The following MAST4 variants were observed in gnomAD, a reference collection of about 807,000 sequenced individuals.
MAST4 encodes microtubule-associated serine/threonine-protein kinase 4.
Under a neutral mutation model 162.7 loss-of-function variants are expected in MAST4, and 89 were observed. That is an observed-to-expected ratio of 0.55 (90% CI 0.46 to 0.65). The LOEUF (loss-of-function observed/expected upper bound fraction) is 0.65. MAST4 is among the 30% of genes least tolerant of loss of function. The pLI is 0.00. For synonymous variants in MAST4, 1,479 were observed against 1,361.1 expected (o/e 1.09, Z -1.91); for missense variants, 3,153 against 3,374.0 (o/e 0.93, Z 1.62).
At chr5:67,049,646 C>G (rs1389866436) in intron 4 of MAST4, among the ~76,000 whole-genome samples, 1 of 152,122 alleles carries the variant, frequency 6.6e-6, no homozygotes, top group East Asian at 1.9e-4. Flanking sequence ...CGGGGCCCCT[C>G]TTACTCAATT....
At chr5:67,134,787 C>G in intron 18 of MAST4, 99 bp downstream of exon 18, 1 of 976,110 alleles carries the variant, frequency 1.0e-6, no homozygotes. Context: ...AAATGTTAAC[C>G]TTTATCAAAC....
At chr5:66,759,939 G>A in intron 2 of MAST4, 77 bp downstream of exon 2, 2 of 1,495,774 alleles carry the variant, frequency 1.3e-6, no homozygotes, top group Non-Finnish European at 1.8e-6. Flanking sequence ...AGTTCCACAT[G>A]TAATCAGCTT....
chr5:66,739,657 A>G (rs532474428), intron 1 of MAST4, among the ~76,000 whole-genome samples: 32 of 152,302 alleles, frequency 2.1e-4, no homozygotes, highest in African/African-American at 7.7e-4. Flanking sequence ...CGGATGTTAA[A>G]TATGTCAAAC....
intron 1 of MAST4, among the ~76,000 whole-genome samples, chr5:66,740,883 A>G (rs1193115247): frequency 2.0e-5 from 3 of 152,208 alleles, no homozygotes. Context: ...CAAGTCACTT[A>G]TAAGCTTCGA....
At chr5:66,702,345 C>T (rs980546672) in intron 1 of MAST4, among the ~76,000 whole-genome samples, 1 of 152,170 alleles carries the variant, frequency 6.6e-6, no homozygotes, top group Admixed American at 6.5e-5. Context: ...TGAAGATAGT[C>T]TTTCCTCTCA....
chr5:66,887,934 C>T (rs1027961109), intron 3 of MAST4, among the ~76,000 whole-genome samples: 4 of 151,914 alleles, frequency 2.6e-5, no homozygotes, highest in Admixed American at 6.6e-5. Context: ...TTGGGCTGGG[C>T]GCGGTGGCTC....
chr5:67,163,609 G>T lies in MAST4; in HGVS notation c.4430G>T (p.Arg1477Leu). ...GAGGTGACCCAAGAGGAGGTGCAGCGGGAGCAGTCCCAGCGGGAGGCGCCG... is the reference window on the plus strand; with the variant it reads ...GAGGTGACCCAAGAGGAGGTGCAGCTGGAGCAGTCCCAGCGGGAGGCGCCG... ...SLEVTQEEVQ[R>L]EQSQREAPLQ... Residue 1477 changes from arginine (R) to leucine (L), a missense_variant, in exon 29 of 29, where the codon CGG (arginine) becomes CTG (leucine). Around this residue, in one of 7 missense-constraint regions of MAST4, gnomAD observed 1,644 missense variants for 1,495.0 expected, o/e 1.10. Transcript: ENST00000403625. The surrounding 1 kb of genome is among the most constrained non-coding windows in gnomAD (Gnocchi z 7.0). The T allele has an allele frequency of 6.2e-7, 1 of 1,602,088 alleles. No homozygotes were observed. Among genetic ancestry groups the T allele is most frequent in the Non-Finnish European group, 8.5e-7 (1 of 1,174,930 alleles).
At chr5:67,148,668 A>G (rs1009896023) in intron 23 of MAST4, among the ~76,000 whole-genome samples, 2 of 152,262 alleles carry the variant, frequency 1.3e-5, no homozygotes, top group Non-Finnish European at 2.9e-5. Context: ...GAGGATCAGC[A>G]TATGATACAC....
chr5:67,131,945 C>T lies in MAST4; in HGVS notation c.2087C>T (p.Pro696Leu). The stretch of plus-strand genomic sequence containing the variant: ...GGAATTGTACACAGGGATTTGAAAC[C>T]AGACAAGTATGTACACAAATGAAAT... ...NYGIVHRDLK[P>L]DNLLVTSMGH... The change falls in exon 16 of 29, where the codon CCA (proline) becomes CTA (leucine). Residue 696 changes from proline to leucine, a missense_variant. By Grantham distance (98) the Pro-to-Leu change is moderately conservative. Coordinates refer to ENST00000403625, the MANE Select transcript of MAST4 (RefSeq NM_001164664.2). 6.2e-7 allele frequency: 1 copy of T among 1,612,556 alleles called. No individual in the cohort carries two copies. The highest frequency in any genetic ancestry group is 8.5e-7 in the Non-Finnish European group (1 of 1,178,998).
At chr5:66,600,746 A>G (rs994731419) in intron 1 of MAST4, among the ~76,000 whole-genome samples, 2 of 152,242 alleles carry the variant, frequency 1.3e-5, no homozygotes, top group South Asian at 2.1e-4. Context: ...AATTTTGAAC[A>G]AAGTCAAATC....
rs552322015 is a variant in MAST4, at chr5:66,807,724, A to C, written c.642+18930A>C. On this transcript the variant is annotated intron_variant, in intron 3 of 28. Transcript: ENST00000403625. The stretch of plus-strand genomic sequence containing the variant: ...TCATGGGAACCGTAGGGCTAAAGGC[A>C]TCCTGTCTGTTGGGCATTTCCTCCT... Among the ~76,000 whole-genome samples, 6 of 152,288 alleles carry C rather than the reference A, an allele frequency of 3.9e-5. No individual in the cohort carries two copies. In the South Asian group the frequency reaches 1.2e-3, roughly 32 times the overall value.
At chr5:66,722,083 A>G (rs13436678) in intron 1 of MAST4, among the ~76,000 whole-genome samples, 56,761 of 151,734 alleles carry the variant, frequency 0.37, 10,644 homozygotes, top group Non-Finnish European at 0.39. Context: ...CCCATGGTGT[A>G]TGCTCAACAG....
chr5:66,986,578 T>TG, intron 4 of MAST4: 1 of 533,998 alleles, frequency 1.9e-6, no homozygotes. Flanking sequence ...CATATATATA[T>TG]TAAAAATATA....
chr5:67,099,255 T>C (rs1162870651), intron 7 of MAST4, among the ~76,000 whole-genome samples: 1 of 152,082 alleles, frequency 6.6e-6, no homozygotes, highest in Non-Finnish European at 1.5e-5. Context: ...TTTAAGGCCA[T>C]GACTATACTT....
Position 66,596,699 on chromosome 5 carries a change from G to A in MAST4, c.44G>A (p.Gly15Asp). 1 of 1,469,858 alleles carries A rather than the reference G, an allele frequency of 6.8e-7. No individual in the cohort carries two copies. Among genetic ancestry groups the A allele is most frequent in the Non-Finnish European group, 9.0e-7 (1 of 1,111,932 alleles). 91.1% of individuals were successfully genotyped at this position (1,469,858 alleles called of 1,614,324 possible). A position where few individuals can be genotyped will look rare whatever the true frequency, so the allele number is the denominator to read the frequency against. ...GAGGCGCCAGAGCCGGTGCCCCGCG[G>A]CTGCAGTGGCCACGGCAGCCGGACT... ...VSEAPEPVPR[G>D]CSGHGSRTPA... is the part of the protein sequence containing the mutation. The change falls in exon 1 of 29, where the codon GGC (glycine) becomes GAC (aspartate). Residue 15 changes from glycine (G) to aspartate (D), a missense_variant. By Grantham distance (94) the Gly-to-Asp change is moderately conservative. Coordinates refer to ENST00000403625, the MANE Select transcript of MAST4 (RefSeq NM_001164664.2).
chr5:66,996,187 G>A (rs1027629282), intron 4 of MAST4, among the ~76,000 whole-genome samples: 3 of 152,104 alleles, frequency 2.0e-5, no homozygotes, highest in African/African-American at 7.2e-5. Context: ...GCTGAGGCAG[G>A]AGAGTTGCTT....
intron 3 of MAST4, among the ~76,000 whole-genome samples, chr5:66,800,673 A>G (rs550427047): frequency 6.6e-6 from 1 of 152,306 alleles, no homozygotes; most frequent in South Asian, 2.1e-4. Context: ...ACAAACCTGC[A>G]TTTGTACCCC....
At chr5:66,832,555 A>G (rs1171553952) in intron 3 of MAST4, among the ~76,000 whole-genome samples, 1 of 152,178 alleles carries the variant, frequency 6.6e-6, no homozygotes, top group African/African-American at 2.4e-5. Flanking sequence ...AAAATAGCAG[A>G]TAGATTCTTA....
chr5:67,145,963 G>A (rs191953043), intron 23 of MAST4, among the ~76,000 whole-genome samples: 33 of 152,310 alleles, frequency 2.2e-4, no homozygotes, highest in Non-Finnish European at 3.8e-4. Context: ...GCAACAAGAC[G>A]CTTAATGCTG....
Sources: gnomAD v4.1 joint callset for allele counts (sites outside exome capture counted in the v4.1 genomes callset) on GRCh38, gnomAD v4.1.1 for gene constraint, gnomAD v4.1.1 regional missense constraint, Gnocchi (gnomAD v3.1) non-coding constraint, MANE v1.5 for transcripts, NCBI Gene and HGNC (gene_info 2026-07-23, HGNC 2026-07-21) for gene names.